XG: variants seen among roughly 807,000 people sequenced by gnomAD.
XG encodes the protein glycoprotein Xg.
A neutral mutation model predicts 25.7 loss-of-function variants in XG; 24 were observed. The ratio of observed to expected loss-of-function variants is 0.93; its 90% CI spans 0.68 to 1.31. The LOEUF (loss-of-function observed/expected upper bound fraction) is 1.31. Among genes scored for constraint, XG ranks in the 40% most tolerant of loss-of-function variants. XG has a pLI of 0.00. For missense variants in XG, 181 were observed against 187.6 expected, an observed-to-expected ratio of 0.96 and a Z score of 0.21; for synonymous variants, 77 against 69.2, an observed-to-expected ratio of 1.11 and a Z score of -0.56.
chrX:2,778,674 A>G (rs181165972), intron 3 of XG, among the ~76,000 whole-genome samples: 7 of 152,340 alleles, frequency 4.6e-5, no homozygotes, highest in Non-Finnish European at 7.4e-5. Context: ...GGTCGCAGCT[A>G]TAAAACAATG....
chrX:2,768,858 C>T (rs140435512), intron 1 of XG, among the ~76,000 whole-genome samples: 3,128 of 152,230 alleles, frequency 0.021, 47 homozygotes, highest in Non-Finnish European at 0.032. Context: ...TTCTTAAAGG[C>T]GAGCCTGTAG....
chrX:2,803,430 T>C (rs2086963139), intron 7 of XG, among the ~76,000 whole-genome samples: 1 of 111,504 alleles, frequency 9.0e-6, no homozygotes, highest in Admixed American at 9.6e-5. Flanking sequence ...GGAATTGTAA[T>C]GGAGAAAGAG....
chrX:2,794,756 C>T (rs1343169388), intron 6 of XG, among the ~76,000 whole-genome samples, 153 bp downstream of exon 6: 2 of 112,159 alleles, frequency 1.8e-5, no homozygotes, highest in African/African-American at 6.5e-5. Context: ...GAGAAGGCCC[C>T]ATGGCCGCAT....
intron 3 of XG, among the ~76,000 whole-genome samples, chrX:2,781,734 C>A (rs780494010): frequency 4.5e-5 from 5 of 112,261 alleles, no homozygotes; most frequent in African/African-American, 6.5e-5. Context: ...ACTGGACTGT[C>A]GGTAAATTTA....
At chrX:2,758,231 T>C (rs2050480527) in intron 1 of XG, among the ~76,000 whole-genome samples, 1 of 152,028 alleles carries the variant, frequency 6.6e-6, no homozygotes, top group African/African-American at 2.4e-5. Context: ...ACCTGGAGCG[T>C]GTAGCCATTT....
chrX:2,752,924 AT>A lies in XG; in HGVS notation c.61+594del, dbSNP rs951649921. Reference sequence around the variant, plus strand: ...CTGGCTGTCCCAGATCCAAGATTAGATTTTTCAGTTCCGTACGAGGACCTCT... The same window carrying A: ...CTGGCTGTCCCAGATCCAAGATTAGATTTTCAGTTCCGTACGAGGACCTCT... On this transcript the variant is annotated intron_variant, in intron 1 of 10. Coordinates refer to ENST00000644266, the MANE Select transcript of XG (RefSeq NM_001141919.2). 18 of 985,426 alleles carry A rather than the reference AT, an allele frequency of 1.8e-5. No individual in the cohort carries two copies. The South Asian group carries it at 4.2e-4, about 23-fold the overall frequency. The allele number at this position is 985,426 out of a possible 1,614,324, so 61.0% of individuals were successfully genotyped here.
chrX:2,779,331 A>T (rs904317773), intron 3 of XG, among the ~76,000 whole-genome samples: 17 of 43,098 alleles, frequency 3.9e-4, no homozygotes, highest in East Asian at 1.6e-3. Context: ...GTGAGAGTAT[A>T]AAAAAAAAAA....
At chrX:2,776,484 G>A (rs2050994336) in intron 3 of XG, among the ~76,000 whole-genome samples, 1 of 152,018 alleles carries the variant, frequency 6.6e-6, no homozygotes, top group Admixed American at 6.6e-5. Context: ...GATGTGCTGG[G>A]AGTCAGCCTG....
chrX:2,774,586 G>A, intron 2 of XG, 130 bp from the exon 3 acceptor site: 1 of 993,426 alleles, frequency 1.0e-6, no homozygotes, highest in Non-Finnish European at 1.6e-6. Context: ...TGGAATTTGT[G>A]TCTATATCAT....
At chrX:2,756,417 T>G (rs569297203) in intron 1 of XG, among the ~76,000 whole-genome samples, 1 of 152,298 alleles carries the variant, frequency 6.6e-6, no homozygotes, top group South Asian at 2.1e-4. Context: ...TTTACAATAA[T>G]CTATTGTAGA....
chrX:2,756,896 A>T (rs1603302116), intron 1 of XG, among the ~76,000 whole-genome samples: 1 of 152,130 alleles, frequency 6.6e-6, no homozygotes, highest in South Asian at 2.1e-4. Context: ...TGGGCGTTTT[A>T]CGGTGCTCTT....
chrX:2,770,672 G>A (rs1451463545), intron 2 of XG, 81 bp downstream of exon 2: 4 of 1,564,592 alleles, frequency 2.6e-6, no homozygotes, highest in African/African-American at 1.4e-5. Context: ...CTTTGGGGTT[G>A]GATTGGGCCA....
intron 4 of XG, among the ~76,000 whole-genome samples, chrX:2,788,833 C>T (rs757090566): frequency 7.7e-4 from 70 of 91,154 alleles, no homozygotes; most frequent in Admixed American, 1.2e-3. Flanking sequence ...CCAGCCTGGG[C>T]GACAAAAGCG....
intron 3 of XG, among the ~76,000 whole-genome samples, chrX:2,775,758 C>G (rs1402560193): frequency 6.6e-6 from 1 of 151,218 alleles, no homozygotes; most frequent in Non-Finnish European, 1.5e-5. Context: ...GGGTTCGAGA[C>G]CAACCTGGCC....
intron 3 of XG, among the ~76,000 whole-genome samples, chrX:2,779,517 C>T (rs2051073750): frequency 6.6e-6 from 1 of 152,060 alleles, no homozygotes; most frequent in African/African-American, 2.4e-5. Flanking sequence ...ATGCAGTCAT[C>T]CTTCAGAATT....
chrX:2,774,422 C>CCCTGTG (rs3830300), intron 2 of XG, among the ~76,000 whole-genome samples: 71,647 of 150,376 alleles, frequency 0.48, 17,041 homozygotes, highest in South Asian at 0.53. Context: ...CACCGTCCAG[C>CCCTGTG]CCTGTGGTGG....
In XG at chrX:2,797,314, TGGC is replaced by T; in HGVS notation, c.333_335del (p.Gly113del). ...TCTACCTTCTCTGTCTAACAGGAGG[TGGC>T]GGCGGTGGCTACTCCAGTTATGGCA... On this transcript the variant is annotated inframe_deletion, in exon 7 of 11. Transcript: ENST00000644266. 1 of 1,207,712 alleles carries T rather than the reference TGGC, an allele frequency of 8.3e-7. No homozygotes were observed. Among genetic ancestry groups the T allele is most frequent in the Non-Finnish European group, 1.1e-6 (1 of 893,814 alleles).
intron 3 of XG, among the ~76,000 whole-genome samples, chrX:2,777,578 G>A (rs1343280679): frequency 6.6e-6 from 1 of 151,926 alleles, no homozygotes; most frequent in Non-Finnish European, 1.5e-5. Flanking sequence ...GGGTGGCAGA[G>A]CCAGGCTTTG....
At position 2,752,206 on chromosome X, in the gene XG, G is replaced by A; in HGVS notation, c.-69G>A. 2 of 1,608,850 alleles carry A rather than the reference G, an allele frequency of 1.2e-6. No homozygotes were observed. The highest frequency in any genetic ancestry group is 2.2e-5 in the South Asian group (2 of 90,540). ...GACCAGAAGTCAACAACAGGAGGGT[G>A]GAGAGGCCGGGTCTCACAATCCGCT... On this transcript the variant is annotated 5_prime_UTR_variant, in exon 1 of 11. Transcript: ENST00000644266.
Sources: allele counts gnomAD v4.1 joint callset (sites outside exome capture counted in the v4.1 genomes callset), GRCh38; gene constraint gnomAD v4.1.1; transcripts MANE v1.5; gene names NCBI Gene and HGNC (gene_info 2026-07-23, HGNC 2026-07-21).